The following PID1 variants were observed in gnomAD, a reference collection of about 807,000 sequenced individuals.
PID1 encodes phosphotyrosine interaction domain containing 1, also known as PTB-containing, cubilin and LRP1-interacting protein.
In PID1, 10 loss-of-function variants were observed where a neutral mutation model predicts 19.1. The ratio of observed to expected loss-of-function variants is 0.52; its 90% CI spans 0.32 to 0.89. The LOEUF is 0.89. PID1 is among the 40% of genes least tolerant of loss of function. The pLI is 0.03. For synonymous variants in PID1, 130 were observed against 116.0 expected (o/e 1.12, Z -0.78); for missense variants, 248 against 285.3 (o/e 0.87, Z 0.94).
At position 229,271,213 on chromosome 2, in the gene PID1, C is replaced by A. The variant is rs1690730263; in HGVS notation, c.-170G>T. On this transcript the variant is annotated 5_prime_UTR_variant, in exon 1 of 3. Transcript: ENST00000392055. ...GTAGGGGGCTGCGAGCAGGAGGAGG[C>A]GCGGCGCTCAGCTGCCGGCAACTTG... 5 of 612,280 alleles carry A rather than the reference C, an allele frequency of 8.2e-6. No homozygotes were observed. Among genetic ancestry groups the A allele is most frequent in the Non-Finnish European group, 1.3e-5 (5 of 377,538 alleles). 37.9% of individuals were successfully genotyped at this position (612,280 alleles called of 1,614,324 possible). A position where few individuals can be genotyped will look rare whatever the true frequency, so the allele number is the denominator to read the frequency against.
chr2:229,138,106 C>G lies in PID1; in HGVS notation c.177+17712G>C, dbSNP rs1048132421. On this transcript the variant is annotated intron_variant, in intron 2 of 2. Coordinates refer to ENST00000392055, the MANE Select transcript of PID1 (RefSeq NM_001100818.2). The stretch of plus-strand genomic sequence containing the variant: ...GAGAAAGGCAAACAAGTTCCTGGAT[C>G]CCTAGGCGATAAATAACAGCAAATT... Among the ~76,000 whole-genome samples, 3 of 152,102 alleles carry G rather than the reference C, an allele frequency of 2.0e-5. No individual in the cohort carries two copies. In the East Asian group the frequency reaches 5.8e-4, roughly 29 times the overall value.
intron 1 of PID1, among the ~76,000 whole-genome samples, chr2:229,188,739 C>CAAAAA (rs11313891): frequency 7.8e-6 from 1 of 127,478 alleles, no homozygotes. Context: ...AACTCCACCT[C>CAAAAA]AAAAAAAAAA....
At chr2:229,240,723 G>T (rs1054202709) in intron 1 of PID1, among the ~76,000 whole-genome samples, 3 of 152,108 alleles carry the variant, frequency 2.0e-5, no homozygotes, top group African/African-American at 7.2e-5. Flanking sequence ...CTTATGGTTT[G>T]CAAAGGTTCT....
intron 1 of PID1, among the ~76,000 whole-genome samples, chr2:229,219,498 GGGGA>G (rs1360150468): frequency 6.6e-6 from 1 of 152,178 alleles, no homozygotes; most frequent in Non-Finnish European, 1.5e-5. Context: ...CACAAAATGT[GGGGA>G]TTATGGGAAC....
chr2:229,083,229 T>C (rs1227463854), intron 2 of PID1, among the ~76,000 whole-genome samples: 1 of 152,142 alleles, frequency 6.6e-6, no homozygotes, highest in African/African-American at 2.4e-5. Context: ...ACTCCATCTA[T>C]TCAGTTGATC....
chr2:229,118,842 A>G (rs191922726), intron 2 of PID1, among the ~76,000 whole-genome samples: 11 of 152,344 alleles, frequency 7.2e-5, no homozygotes, highest in Middle Eastern at 3.4e-3. Context: ...AAAAAACAAA[A>G]CAAAACAAAA....
intron 2 of PID1, among the ~76,000 whole-genome samples, chr2:229,101,470 A>G (rs531859333): frequency 4.3e-4 from 65 of 152,356 alleles, no homozygotes; most frequent in African/African-American, 1.6e-3. Flanking sequence ...GCACACTGCC[A>G]TGCCTTGAGT....
chr2:229,141,910 T>C (rs758687334), intron 2 of PID1, among the ~76,000 whole-genome samples: 5 of 152,022 alleles, frequency 3.3e-5, no homozygotes, highest in Non-Finnish European at 7.4e-5. Context: ...AATGAACAAC[T>C]GGCACACCCA....
At chr2:229,192,414 T>C (rs541301081) in intron 1 of PID1, among the ~76,000 whole-genome samples, 9 of 152,304 alleles carry the variant, frequency 5.9e-5, no homozygotes, top group African/African-American at 2.2e-4. Flanking sequence ...TCCGGATAAA[T>C]TGTACTGTAG....
intron 2 of PID1, among the ~76,000 whole-genome samples, chr2:229,098,065 T>A (rs867597984): frequency 6.6e-6 from 1 of 152,212 alleles, no homozygotes; most frequent in Non-Finnish European, 1.5e-5. Flanking sequence ...CAGAGGCCCA[T>A]TGAATCATGA....
intron 2 of PID1, among the ~76,000 whole-genome samples, chr2:229,138,638 C>T (rs1387938740): frequency 6.6e-6 from 1 of 152,026 alleles, no homozygotes; most frequent in Admixed American, 6.6e-5. Flanking sequence ...TGTTCATTCC[C>T]TCACTTCTTC....
intron 1 of PID1, among the ~76,000 whole-genome samples, chr2:229,219,999 C>A (rs1691931355): frequency 6.6e-6 from 1 of 151,910 alleles, no homozygotes; most frequent in Non-Finnish European, 1.5e-5. Context: ...TTCCATGACA[C>A]CATTTGTCCT....
intron 1 of PID1, among the ~76,000 whole-genome samples, chr2:229,168,828 T>A (rs922934289): frequency 4.6e-5 from 7 of 152,168 alleles, no homozygotes; most frequent in Admixed American, 4.6e-4. Flanking sequence ...TCTGCCCAAG[T>A]TAATTATTGT....
At chr2:229,037,970 T>C (rs764362347) in intron 2 of PID1, among the ~76,000 whole-genome samples, 5 of 152,198 alleles carry the variant, frequency 3.3e-5, no homozygotes, top group Non-Finnish European at 4.4e-5. Context: ...TTAGTCCTTG[T>C]AGCACTTTAT....
chr2:229,226,779 G>C (rs1692085582), intron 1 of PID1, among the ~76,000 whole-genome samples: 1 of 152,300 alleles, frequency 6.6e-6, no homozygotes, highest in South Asian at 2.1e-4. Context: ...ACATTTCAGA[G>C]ATTGAACCAT....
chr2:229,126,783 C>G (rs530398510), intron 2 of PID1, among the ~76,000 whole-genome samples: 2 of 152,226 alleles, frequency 1.3e-5, no homozygotes, highest in Non-Finnish European at 2.9e-5. Flanking sequence ...CAAGCCATGT[C>G]ACCTCATGTG....
At chr2:229,147,309 C>T (rs1690155460) in intron 2 of PID1, among the ~76,000 whole-genome samples, 1 of 151,862 alleles carries the variant, frequency 6.6e-6, no homozygotes, top group South Asian at 2.1e-4. Context: ...TTTTAACATC[C>T]AAATAAATTT....
intron 1 of PID1, among the ~76,000 whole-genome samples, chr2:229,221,115 A>G (rs1359736126): frequency 1.3e-5 from 2 of 152,114 alleles, no homozygotes; most frequent in African/African-American, 4.8e-5. Context: ...TAGAGAACAG[A>G]TATGTTAGCT....
intron 1 of PID1, among the ~76,000 whole-genome samples, chr2:229,163,680 T>TGTGCGCGC (rs1365270238): frequency 0.017 from 1,780 of 103,698 alleles, 70 homozygotes; most frequent in Admixed American, 0.1. Flanking sequence ...TGTGTGCGTG[T>TGTGCGCGC]GCGTGTGTGT....
Sources: allele counts gnomAD v4.1 joint callset (sites outside exome capture counted in the v4.1 genomes callset), GRCh38; gene constraint gnomAD v4.1.1; transcripts MANE v1.5; gene names NCBI Gene and HGNC (gene_info 2026-07-23, HGNC 2026-07-21).